RDH13: variants seen among roughly 807,000 people sequenced by gnomAD.
The protein encoded by RDH13 is retinol dehydrogenase 13 (all-trans and 9-cis).
A neutral mutation model predicts 28.3 loss-of-function variants in RDH13; 35 were observed. The observed-to-expected ratio is 1.24, with a 90% CI of 0.95 to 1.64. The LOEUF (loss-of-function observed/expected upper bound fraction) is 1.64, where lower values mean the gene tolerates loss of function less well. Among genes scored for constraint, RDH13 ranks in the 40% most tolerant of loss-of-function variants. RDH13 has a pLI of 0.00. For missense variants in RDH13, 514 were observed against 446.3 expected (o/e 1.15, Z -1.37); for synonymous variants, 229 against 198.5 (o/e 1.15, Z -1.29).
upstream of RDH13, among the ~76,000 whole-genome samples, chr19:55,066,467 C>A (rs2075961884): frequency 8.6e-6 from 1 of 115,640 alleles, no homozygotes; most frequent in Admixed American, 9.8e-5. Context: ...CTCTCTTCCT[C>A]TCTCTCTTCC....
intron 3 of RDH13, among the ~76,000 whole-genome samples, chr19:55,052,658 CATT>C (rs1231660490): frequency 6.7e-6 from 1 of 149,752 alleles, no homozygotes; most frequent in African/African-American, 2.4e-5. Flanking sequence ...ACGCCTGCCT[CATT>C]GTTTTTTATT....
chr19:55,044,818 A>T lies in RDH13; in HGVS notation c.*256T>A, dbSNP rs891523834. 4.5e-5 allele frequency: 21 copies of T among 462,092 alleles called. No homozygotes were observed. The highest frequency in any genetic ancestry group is 4.0e-4 in the African/African-American group (20 of 50,064). The allele number at this position is 462,092 out of a possible 1,614,324, so 28.6% of individuals were successfully genotyped here. A position where few individuals can be genotyped will look rare whatever the true frequency, so the allele number is the denominator to read the frequency against. On this transcript the variant is annotated 3_prime_UTR_variant, in exon 7 of 7. Transcript: ENST00000415061. Reference sequence around the variant, plus strand: ...CTTCCTCCTCGGCCATTCCCAGTTTAGATTCCCAGGGGAAGCATCAGATGG... The same window carrying T: ...CTTCCTCCTCGGCCATTCCCAGTTTTGATTCCCAGGGGAAGCATCAGATGG...
upstream of RDH13, chr19:55,064,305 C>G (rs1193311557): frequency 6.6e-6 from 1 of 151,916 alleles, no homozygotes; most frequent in Non-Finnish European, 1.5e-5. Flanking sequence ...CCTGTAGTCC[C>G]AGCTACTCAG....
At chr19:55,043,856 C>T (rs980700107), downstream of RDH13, among the ~76,000 whole-genome samples, 10 of 152,012 alleles carry the variant, frequency 6.6e-5, no homozygotes, top group Admixed American at 1.3e-4. Context: ...GTAAGATGCC[C>T]GGACTTAAAC....
intron 1 of RDH13, 118 bp downstream of exon 1, chr19:55,062,850 C>T: frequency 2.2e-6 from 2 of 904,930 alleles, no homozygotes; most frequent in Non-Finnish European, 3.1e-6. Flanking sequence ...GCGGGCACTG[C>T]GGGTCGGGAG....
At chr19:55,062,055 TGTG>T (rs937216669) in intron 1 of RDH13, among the ~76,000 whole-genome samples, 2 of 151,654 alleles carry the variant, frequency 1.3e-5, no homozygotes, top group Non-Finnish European at 2.9e-5. Flanking sequence ...AGGTGGAGGT[TGTG>T]GTGAGCCGAG....
Position 55,056,786 on chromosome 19 carries a change from G to C in RDH13, c.207C>G (p.Cys69Trp). ...ARRGGNIILA[C>W]RDMEKCEAAA... ...CCGCCTCACACTTCTCCATGTCTCG[G>C]CAGGCCAGGATGATGTTGCCTCCTG... The change falls in exon 3 of 7, where the codon TGC (cysteine) becomes TGG (tryptophan). Residue 69 changes from cysteine to tryptophan, a missense_variant. Transcript: ENST00000415061. 1 of 1,614,024 alleles carries C rather than the reference G, an allele frequency of 6.2e-7. No individual in the cohort carries two copies.
At chr19:55,041,815 G>A (rs2075038176), downstream of RDH13, 1 of 152,264 alleles carries the variant, frequency 6.6e-6, no homozygotes, top group Non-Finnish European at 1.5e-5. Context: ...CGTTGCCTCT[G>A]AATCACGCCA....
chr19:55,062,567 C>G (rs1480744021), intron 1 of RDH13, among the ~76,000 whole-genome samples: 1 of 151,748 alleles, frequency 6.6e-6, no homozygotes, highest in Non-Finnish European at 1.5e-5. Flanking sequence ...GTGATCTCAG[C>G]TCCTGGGGAC....
chr19:55,049,219 TCA>T (rs2075347011), intron 3 of RDH13, among the ~76,000 whole-genome samples: 1 of 152,070 alleles, frequency 6.6e-6, no homozygotes. Flanking sequence ...TCCAGGACAC[TCA>T]CACGCCCTCC....
In RDH13 at chr19:55,063,098, G is replaced by C. The variant is rs890271096; in HGVS notation, c.-66C>G. 1.8e-5 allele frequency: 22 copies of C among 1,244,286 alleles called. No individual in the cohort carries two copies. Among genetic ancestry groups the C allele is most frequent in the Non-Finnish European group, 2.3e-5 (22 of 976,826 alleles). The allele number at this position is 1,244,286 out of a possible 1,614,324, so 77.1% of individuals were successfully genotyped here. A position where few individuals can be genotyped will look rare whatever the true frequency, so the allele number is the denominator to read the frequency against. ...GGAGCTTGCTGCACACCAGCCGCCT[G>C]GGTAGCTCCGAGGAAGAGCGCGCGA... On this transcript the variant is annotated 5_prime_UTR_variant, in exon 1 of 7. Transcript: ENST00000415061.
chr19:55,047,348 G>A (rs948192570), intron 6 of RDH13, 39 bp downstream of exon 6: 20 of 1,597,816 alleles, frequency 1.3e-5, no homozygotes, highest in Non-Finnish European at 1.6e-5. Flanking sequence ...CAGGGGTGGA[G>A]GGCTCCACGT....
chr19:55,044,520 G>C lies in RDH13; in HGVS notation c.*554C>G, dbSNP rs535664683. 1 of 152,530 alleles carries C rather than the reference G, an allele frequency of 6.6e-6. No individual in the cohort carries two copies. Among genetic ancestry groups the C allele is most frequent in the Non-Finnish European group, 1.5e-5 (1 of 68,272 alleles). The allele number at this position is 152,530 out of a possible 1,614,324, so 9.4% of individuals were successfully genotyped here. On this transcript the variant is annotated 3_prime_UTR_variant, in exon 7 of 7. Transcript: ENST00000415061. ...GCTCTCTGGCTGGGCTCTGGCACAG[G>C]AAGCCCTCAGCAAACACCCCCGGCA...
intron 3 of RDH13, among the ~76,000 whole-genome samples, chr19:55,049,119 C>T (rs976038799): frequency 1.3e-5 from 2 of 152,130 alleles, no homozygotes; most frequent in Admixed American, 6.6e-5. Context: ...ACAGGGACAC[C>T]GCGATTCAGA....
intron 3 of RDH13, among the ~76,000 whole-genome samples, chr19:55,054,258 A>G (rs2075559292): frequency 6.6e-6 from 1 of 152,126 alleles, no homozygotes; most frequent in African/African-American, 2.4e-5. Flanking sequence ...GGGCACATTG[A>G]CTCTGAAGAA....
upstream of RDH13, among the ~76,000 whole-genome samples, chr19:55,066,436 C>CTCCTT (rs764940714): frequency 5.6e-5 from 5 of 89,710 alleles, no homozygotes; most frequent in Non-Finnish European, 6.9e-5. Flanking sequence ...CCCTCTCTGT[C>CTCCTT]TTCTCTCCCT....
chr19:55,066,684 CCT>C (rs553647805), upstream of RDH13, among the ~76,000 whole-genome samples: 28 of 150,340 alleles, frequency 1.9e-4, no homozygotes, highest in African/African-American at 4.7e-4. Context: ...CCTTCCTCTT[CCT>C]CTCTCTCCTT....
upstream of RDH13, chr19:55,063,376 A>G (rs1293203091): frequency 3.2e-6 from 1 of 308,488 alleles, no homozygotes; most frequent in Non-Finnish European, 5.9e-6. Flanking sequence ...GCAGTTCTGG[A>G]GTGAAATAGG....
At chr19:55,063,299 A>G (rs1358724787), upstream of RDH13, 2 of 383,112 alleles carry the variant, frequency 5.2e-6, no homozygotes, top group East Asian at 7.6e-5. Context: ...GGGCGTGGCT[A>G]GTCCGGGGGC....
Sources: allele counts gnomAD v4.1 joint callset (sites outside exome capture counted in the v4.1 genomes callset), GRCh38; gene constraint gnomAD v4.1.1; transcripts MANE v1.5; gene names NCBI Gene and HGNC (gene_info 2026-07-23, HGNC 2026-07-21).